MARF1: variants seen among roughly 807,000 people sequenced by gnomAD.
MARF1 encodes meiosis regulator and mRNA stability factor 1.
Under a neutral mutation model 168.2 loss-of-function variants are expected in MARF1, and 24 were observed. That is an observed-to-expected ratio of 0.14 (90% confidence interval 0.10 to 0.20). MARF1 has a LOEUF of 0.20. Ranked by LOEUF, MARF1 falls within the 10% of genes least tolerant of loss-of-function variation. The probability of loss-of-function intolerance (pLI) is 1.00; values close to 1 mark genes in which losing one functional copy is unlikely to be tolerated. For synonymous variants in MARF1, 868 were observed against 822.4 expected (o/e 1.06, Z -0.95); for missense variants, 1,744 against 2,143.6 (o/e 0.81, Z 3.68).
intron 4 of MARF1, among the ~76,000 whole-genome samples, chr16:15,634,451 C>T (rs1318479083): frequency 6.6e-6 from 1 of 152,154 alleles, no homozygotes; most frequent in Non-Finnish European, 1.5e-5. Flanking sequence ...AGGGAGTATA[C>T]CATCAACAAG....
At chr16:15,601,043 GAAC>G (rs1263672519) in intron 23 of MARF1, 3 of 559,014 alleles carry the variant, frequency 5.4e-6, no homozygotes, top group African/African-American at 1.9e-5. Context: ...TGCAGAAACT[GAAC>G]AACCACCTAA....
At position 15,636,104 on chromosome 16, in the gene MARF1, C is replaced by A. The variant is rs199507850; in HGVS notation, c.383G>T (p.Ser128Ile). ...GGGGGSGGTS[S>I]LIHPGALLDS... ...TAACAGTGCGCCCGGGTGAATCAAG[C>A]TACTGGTACCTCCGCTACCGCCACC... is the stretch of plus-strand genomic sequence containing the variant. Residue 128 changes from serine (S) to isoleucine (I), a missense_variant, in exon 3 of 27, where the codon AGC (serine) becomes ATC (isoleucine). Ser to Ile is a moderately radical substitution (Grantham distance 142, BLOSUM62 -2). Transcript: ENST00000396368. 6 of 1,614,130 alleles carry A rather than the reference C, an allele frequency of 3.7e-6. No homozygotes were observed. Among genetic ancestry groups the A allele is most frequent in the African/African-American group, 2.7e-5 (2 of 74,952 alleles).
At chr16:15,599,617 A>C (rs1175974208) in intron 25 of MARF1, among the ~76,000 whole-genome samples, 1 of 152,232 alleles carries the variant, frequency 6.6e-6, no homozygotes, top group African/African-American at 2.4e-5. Flanking sequence ...GCATGTTATG[A>C]AGACAAAATT....
chr16:15,597,098 A>T (rs2031793940), intron 26 of MARF1, among the ~76,000 whole-genome samples, 161 bp from the exon 27 acceptor site: 1 of 152,234 alleles, frequency 6.6e-6, no homozygotes, highest in Non-Finnish European at 1.5e-5. Context: ...GTGGCCAGTG[A>T]ACTTGGCACA....
intron 16 of MARF1, among the ~76,000 whole-genome samples, chr16:15,614,649 C>T (rs369500503): frequency 5.3e-5 from 8 of 151,496 alleles, no homozygotes; most frequent in South Asian, 2.1e-4. Context: ...AAAAATTAGC[C>T]GGGCGTGGTG....
At chr16:15,635,371 T>TA (rs1164078454) in intron 3 of MARF1, 2 of 467,066 alleles carry the variant, frequency 4.3e-6, no homozygotes, top group African/African-American at 2.0e-5. Flanking sequence ...CATCGTGCTT[T>TA]AGCCTTTAAA....
chr16:15,598,977 G>C lies in MARF1; in HGVS notation c.4861C>G (p.Pro1621Ala), dbSNP rs199753421. The C allele has an allele frequency of 6.2e-7, 1 of 1,611,862 alleles. No individual in the cohort carries two copies. Among genetic ancestry groups the C allele is most frequent in the South Asian group, 1.1e-5 (1 of 90,920 alleles). ...QELLRLTDDS[P>A]VDLLCAPVPS... is the part of the protein sequence containing the mutation. ...ACAGGCGCACACAGGAGGTCGACGG[G>C]GGAGTCGTCGGTCAGGCGGAGAAGC... The change falls in exon 26 of 27, where the codon CCC (proline) becomes GCC (alanine). Residue 1621 changes from proline to alanine, a missense_variant. This residue lies in a region of MARF1 where 313 missense variants were observed against 337.4 expected (regional missense o/e 0.93). Coordinates refer to ENST00000396368, the MANE Select transcript of MARF1 (RefSeq NM_014647.4).
chr16:15,621,207 T>G (rs936055880), intron 12 of MARF1, among the ~76,000 whole-genome samples: 1 of 152,204 alleles, frequency 6.6e-6, no homozygotes, highest in Non-Finnish European at 1.5e-5. Flanking sequence ...GGTCCTGTTT[T>G]GCCAGTCTCC....
chr16:15,600,453 T>C lies in MARF1; in HGVS notation c.4788A>G (p.Glu1596=), dbSNP rs369158877. 29 of 1,614,018 alleles carry C rather than the reference T, an allele frequency of 1.8e-5. No individual in the cohort carries two copies. In the African/African-American group the frequency reaches 3.2e-4, roughly 18 times the overall value. The change falls in exon 25 of 27, where the codon GAA becomes GAG. Residue 1596 remains glutamate, a synonymous_variant. Coordinates refer to ENST00000396368, the MANE Select transcript of MARF1 (RefSeq NM_014647.4). ...CACTGCCGTCAGCTCCAAGCTTGAG[T>C]TCCGAGGCTGTGTGCGATTCGGGCA... ...LEVPESHTAS[E]LKLGADGSGP...
chr16:15,631,266 T>C, intron 6 of MARF1, 115 bp downstream of exon 6: 9 of 673,234 alleles, frequency 1.3e-5, no homozygotes, highest in South Asian at 9.5e-5. Flanking sequence ...CATAAACATG[T>C]CTCATGTACT....
At chr16:15,633,363 A>G (rs2035375077) in intron 5 of MARF1, among the ~76,000 whole-genome samples, 1 of 152,006 alleles carries the variant, frequency 6.6e-6, no homozygotes, top group Non-Finnish European at 1.5e-5. Flanking sequence ...TGGTTGGAAC[A>G]TAGGGAGACC....
chr16:15,616,010 A>T lies in MARF1; in HGVS notation c.3078-5T>A. On this transcript the variant is annotated splice_region_variant and splice_polypyrimidine_tract_variant and intron_variant, in intron 15 of 26. Transcript: ENST00000396368. ...GCAATGTAACAATCTGGAAAGCTGA[A>T]ATAGGAAAAAACAACAAAAAAAGGA... 6.7e-7 allele frequency: 1 copy of T among 1,481,572 alleles called. No homozygotes were observed. 91.8% of individuals were successfully genotyped at this position (1,481,572 alleles called of 1,614,324 possible).
intron 16 of MARF1, among the ~76,000 whole-genome samples, chr16:15,615,599 A>G (rs946475754): frequency 7.2e-5 from 11 of 152,132 alleles, no homozygotes; most frequent in Non-Finnish European, 1.5e-4. Context: ...CACTCCAGCT[A>G]GGCGACAGAG....
At chr16:15,608,545 G>C in intron 20 of MARF1, 27 bp from the exon 21 acceptor site, 1 of 1,544,890 alleles carries the variant, frequency 6.5e-7, no homozygotes, top group Non-Finnish European at 8.9e-7. Flanking sequence ...GGGGAGGAAA[G>C]GGAAAATAAA....
chr16:15,599,894 C>G (rs75986335), intron 25 of MARF1, among the ~76,000 whole-genome samples: 2,108 of 152,332 alleles, frequency 0.014, 32 homozygotes, highest in African/African-American at 0.034. Context: ...TGTTGCTGAA[C>G]TTGCCGGCTC....
intron 21 of MARF1, among the ~76,000 whole-genome samples, chr16:15,607,304 T>A (rs2033100371): frequency 6.6e-6 from 1 of 152,112 alleles, no homozygotes; most frequent in African/African-American, 2.4e-5. Context: ...ATCCCAGCAC[T>A]CTGGGAGGCT....
At chr16:15,598,600 G>A (rs1257100399) in intron 26 of MARF1, among the ~76,000 whole-genome samples, 5 of 146,746 alleles carry the variant, frequency 3.4e-5, no homozygotes, top group East Asian at 2.2e-4. Flanking sequence ...CTGTGGACTC[G>A]CCCACAGCCC....
At chr16:15,625,197 G>T in intron 8 of MARF1, 24 bp from the exon 9 acceptor site, 1 of 1,606,756 alleles carries the variant, frequency 6.2e-7, no homozygotes, top group South Asian at 1.1e-5. Flanking sequence ...AGCACAGTGG[G>T]GTTTAAATTT....
In MARF1 at chr16:15,604,243, G is replaced by A; in HGVS notation, c.4338C>T (p.Asn1446=). 1 of 1,614,188 alleles carries A rather than the reference G, an allele frequency of 6.2e-7. No individual in the cohort carries two copies. Among genetic ancestry groups the A allele is most frequent in the Non-Finnish European group, 8.5e-7 (1 of 1,180,014 alleles). The change falls in exon 22 of 27, where the codon AAC becomes AAT. Residue 1446 remains asparagine, a synonymous_variant. Transcript: ENST00000396368. ...ELKRHYESTH[N]TPLNPCEYGF... ...CATATTCACAGGGGTTAAGGGGAGT[G>A]TTGTGGGTACTTTCGTAATGTCTCT...
Sources: allele counts gnomAD v4.1 joint callset (sites outside exome capture counted in the v4.1 genomes callset), GRCh38; gene constraint gnomAD v4.1.1; regional missense constraint gnomAD v4.1.1; transcripts MANE v1.5; gene names NCBI Gene and HGNC (gene_info 2026-07-23, HGNC 2026-07-21).